The following WWOX variants were observed in gnomAD, a reference collection of about 807,000 sequenced individuals.
WWOX encodes the protein WW domain-containing oxidoreductase.
WWOX carries 69 observed loss-of-function variants against 46.2 expected under a neutral mutation model. The observed-to-expected ratio is 1.49, with a 90% confidence interval of 1.23 to 1.82. The LOEUF (loss-of-function observed/expected upper bound fraction) is 1.82, where lower values mean the gene tolerates loss of function less well. Ranked by LOEUF, WWOX falls within the 40% of genes most tolerant of loss-of-function variation. WWOX has a pLI of 0.00. For missense variants in WWOX, 919 were observed against 542.6 expected, an observed-to-expected ratio of 1.69 and a Z score of -6.89; for synonymous variants, 359 against 202.6, an observed-to-expected ratio of 1.77 and a Z score of -6.56.
chr16:78,394,795 C>T (rs1289925838), intron 6 of WWOX, among the ~76,000 whole-genome samples: 1 of 152,170 alleles, frequency 6.6e-6, no homozygotes, highest in Non-Finnish European at 1.5e-5. Context: ...GCCAGATTGG[C>T]CAGGGGCCAT....
At chr16:78,509,759 A>ATT (rs2085312007) in intron 8 of WWOX, among the ~76,000 whole-genome samples, 1 of 152,152 alleles carries the variant, frequency 6.6e-6, no homozygotes, top group Non-Finnish European at 1.5e-5. Flanking sequence ...TGCAGATTAA[A>ATT]TTGAAGCGTA....
At chr16:79,046,987 G>A (rs936347989) in intron 8 of WWOX, among the ~76,000 whole-genome samples, 5 of 152,062 alleles carry the variant, frequency 3.3e-5, no homozygotes, top group Admixed American at 6.5e-5. Flanking sequence ...ACCTGACCCC[G>A]TGGTTTAAAC....
At chr16:78,947,804 G>A (rs1486579292) in intron 8 of WWOX, among the ~76,000 whole-genome samples, 1 of 152,164 alleles carries the variant, frequency 6.6e-6, no homozygotes, top group African/African-American at 2.4e-5. Flanking sequence ...AATTTTAGAT[G>A]CATAAAAGCC....
intron 8 of WWOX, among the ~76,000 whole-genome samples, chr16:78,905,859 C>T (rs908079823): frequency 2.0e-5 from 3 of 152,178 alleles, no homozygotes; most frequent in Admixed American, 2.0e-4. Context: ...CACGTTTCCA[C>T]CCCCTCAAAA....
intron 8 of WWOX, among the ~76,000 whole-genome samples, chr16:79,072,874 C>T (rs1313798904): frequency 6.6e-6 from 1 of 152,080 alleles, no homozygotes; most frequent in African/African-American, 2.4e-5. Context: ...TGTTTTCTGG[C>T]CTGAATTTGG....
At chr16:78,834,630 G>A (rs1597694490) in intron 8 of WWOX, among the ~76,000 whole-genome samples, 1 of 152,150 alleles carries the variant, frequency 6.6e-6, no homozygotes, top group African/African-American at 2.4e-5. Context: ...TGAAGACAGG[G>A]TTCCAGGAAT....
rs1023845336 is a variant in WWOX at position 78,666,243 on chromosome 16, C to T, written c.1056+233491C>T. 2.6e-5 allele frequency among the ~76,000 whole-genome samples: 4 copies of T among 152,036 alleles called. No homozygotes were observed. The South Asian group carries it at 8.3e-4, about 32-fold the overall frequency. ...TCAAGGCTGTATAGTAAACTGTGAT[C>T]CTGCCACTGCACTCTAGCCTGGGTG... On this transcript the variant is annotated intron_variant, in intron 8 of 8. Coordinates refer to ENST00000566780, the MANE Select transcript of WWOX (RefSeq NM_016373.4).
chr16:78,534,872 C>T (rs546525971), intron 8 of WWOX, among the ~76,000 whole-genome samples: 1 of 152,072 alleles, frequency 6.6e-6, no homozygotes, highest in South Asian at 2.1e-4. Flanking sequence ...CGCTATCATG[C>T]CTGGCTAATT....
At chr16:78,599,474 C>T (rs1012771048) in intron 8 of WWOX, among the ~76,000 whole-genome samples, 15 of 152,212 alleles carry the variant, frequency 9.9e-5, no homozygotes, top group Non-Finnish European at 5.9e-5. Flanking sequence ...CAGGCAGCCC[C>T]TCTGACTGGT....
chr16:79,126,467 G>C (rs2049757496), intron 8 of WWOX, among the ~76,000 whole-genome samples: 1 of 152,096 alleles, frequency 6.6e-6, no homozygotes, highest in Non-Finnish European at 1.5e-5. Context: ...AGATCTGATG[G>C]CTTTGTAAGT....
chr16:79,164,947 T>G (rs1464150538), intron 8 of WWOX, among the ~76,000 whole-genome samples: 1 of 152,110 alleles, frequency 6.6e-6, no homozygotes, highest in South Asian at 2.1e-4. Flanking sequence ...CCTGTTGTTA[T>G]TCACCCAGTA....
intron 8 of WWOX, among the ~76,000 whole-genome samples, chr16:78,458,258 GTTTTTTTTTTT>G (rs78333090): frequency 2.1e-4 from 26 of 120,956 alleles, no homozygotes; most frequent in African/African-American, 6.7e-4. Flanking sequence ...CATTGGTATA[GTTTTTTTTTTT>G]TTTTTTTTTG....
chr16:78,454,594 T>C (rs2083772866), intron 8 of WWOX, among the ~76,000 whole-genome samples: 1 of 152,130 alleles, frequency 6.6e-6, no homozygotes, highest in Non-Finnish European at 1.5e-5. Context: ...CAAGCTCCGC[T>C]TCCCAGGATC....
chr16:78,881,744 C>G (rs1180945854), intron 8 of WWOX, among the ~76,000 whole-genome samples: 1 of 152,212 alleles, frequency 6.6e-6, no homozygotes, highest in African/African-American at 2.4e-5. Flanking sequence ...GATTTTCTTT[C>G]TGGCTTGTCT....
intron 8 of WWOX, among the ~76,000 whole-genome samples, chr16:78,936,866 C>G (rs1597175300): frequency 6.6e-6 from 1 of 152,126 alleles, no homozygotes; most frequent in African/African-American, 2.4e-5. Context: ...AACTCTTTAA[C>G]TTGAAGTATT....
chr16:78,334,807 C>CACGT (rs2080843037), intron 5 of WWOX, among the ~76,000 whole-genome samples: 1 of 45,782 alleles, frequency 2.2e-5, no homozygotes, highest in African/African-American at 1.0e-4. Context: ...CACACACACA[C>CACGT]GCACACACAC....
intron 8 of WWOX, among the ~76,000 whole-genome samples, chr16:79,198,973 A>G (rs763081496): frequency 1.3e-5 from 2 of 152,148 alleles, no homozygotes; most frequent in African/African-American, 2.4e-5. Flanking sequence ...GTCTAGAGCC[A>G]TGTGATTTGG....
At chr16:78,871,077 C>G (rs1271476226) in intron 8 of WWOX, among the ~76,000 whole-genome samples, 2 of 151,796 alleles carry the variant, frequency 1.3e-5, no homozygotes, top group East Asian at 3.9e-4. Context: ...CCCTATAGCT[C>G]ATAGAAGCAA....
At chr16:78,262,200 T>C (rs2079260978) in intron 5 of WWOX, among the ~76,000 whole-genome samples, 1 of 151,796 alleles carries the variant, frequency 6.6e-6, no homozygotes, top group East Asian at 1.9e-4. Context: ...GATTTAAAAT[T>C]ACTTTTTACT....
Sources: allele counts gnomAD v4.1 joint callset (sites outside exome capture counted in the v4.1 genomes callset), GRCh38; gene constraint gnomAD v4.1.1; transcripts MANE v1.5; gene names NCBI Gene and HGNC (gene_info 2026-07-23, HGNC 2026-07-21).